The following NOTCH4 variants were observed in gnomAD, a reference collection of about 807,000 sequenced individuals.
The protein encoded by NOTCH4 is neurogenic locus notch homolog protein 4.
Under a neutral mutation model 189.0 loss-of-function variants are expected in NOTCH4, and 138 were observed. The ratio of observed to expected loss-of-function variants is 0.73; its 90% CI spans 0.64 to 0.84. NOTCH4 has a LOEUF of 0.84. Among genes scored for constraint, NOTCH4 ranks in the 40% least tolerant of loss-of-function variants. NOTCH4 has a pLI of 0.00. For synonymous variants in NOTCH4, 942 were observed against 1,032.8 expected (o/e 0.91, Z 1.69); for missense variants, 2,286 against 2,605.4 (o/e 0.88, Z 2.67).
chr6:32,195,810 C>G lies in NOTCH4; in HGVS notation c.5639G>C (p.Arg1880Pro), dbSNP rs1191585262. The G allele has an allele frequency of 6.2e-7, 1 of 1,602,064 alleles. No individual in the cohort carries two copies. Among genetic ancestry groups the G allele is most frequent in the Non-Finnish European group, 8.5e-7 (1 of 1,179,186 alleles). The part of the protein sequence containing the change: ...PRGGGACLQA[R>P]TWSVDLAARG... Reference sequence around the variant, plus strand: ...CGCAGCCAAGTCTACGGACCAAGTCCGAGCCTGCAGACAAGCTCCGCCCCC... The same window carrying G: ...CGCAGCCAAGTCTACGGACCAAGTCGGAGCCTGCAGACAAGCTCCGCCCCC... The change falls in exon 30 of 30, where the codon CGG becomes CCG. Residue 1880 changes from arginine (R) to proline (P), a missense_variant. Physicochemically the swap from Arg to Pro is moderately radical, Grantham distance 103 (BLOSUM62 -2). Around this residue, in one of 2 missense-constraint regions of NOTCH4, gnomAD observed 383 missense variants for 343.5 expected, o/e 1.11. Coordinates refer to ENST00000375023, the MANE Select transcript of NOTCH4 (RefSeq NM_004557.4). The surrounding 1 kb of genome is among the most constrained non-coding windows in gnomAD (Gnocchi z 5.4).
intron 5 of NOTCH4, 47 bp downstream of exon 5, chr6:32,220,709 C>T (rs769246330): frequency 4.3e-6 from 7 of 1,612,786 alleles, no homozygotes; most frequent in Non-Finnish European, 5.1e-6. Flanking sequence ...GGCCAGGGGC[C>T]AACTCTCTGG....
chr6:32,197,428 A>C lies in NOTCH4; in HGVS notation c.4923T>G (p.Ala1641=). 1 of 1,548,558 alleles carries C rather than the reference A, an allele frequency of 6.5e-7. No homozygotes were observed. Among genetic ancestry groups the C allele is most frequent in the Non-Finnish European group, 8.7e-7 (1 of 1,148,014 alleles). Residue 1641 remains alanine (A), a synonymous_variant, in exon 27 of 30, where the codon GCT becomes GCG. Transcript: ENST00000375023. ...CAGCGGTTGGCCGGGAGAATCGGGC[A>C]GCCAGGTGCAGGGGGGTCTCCCCAG... ...VGTGETPLHL[A]ARFSRPTAAR...
At position 32,201,005 on chromosome 6, in the gene NOTCH4, A is replaced by G; in HGVS notation, c.4141T>C (p.Phe1381Leu). 1.3e-6 allele frequency: 2 copies of G among 1,562,352 alleles called. No individual in the cohort carries two copies. Among genetic ancestry groups the G allele is most frequent in the Non-Finnish European group, 8.7e-7 (1 of 1,154,378 alleles). ...GKETDSLSAG[F>L]VVVMGVDLSR... ...AAATCCACACCCATGACCACCACAA[A>G]CCTGTAGAGGAGGCACCTCAGAGAC... The change falls in exon 23 of 30, where the codon TTT becomes CTT. Residue 1381 changes from phenylalanine (F) to leucine (L), a missense_variant and splice_region_variant. Phe to Leu is a conservative substitution (Grantham distance 22, BLOSUM62 0). Transcript: ENST00000375023. This position sits in a 1 kb window ranked among gnomAD's most constrained non-coding sequence, Gnocchi z 5.5.
Position 32,220,967 on chromosome 6 carries a change from T to C in NOTCH4, c.799+11A>G. On this transcript the variant is annotated intron_variant, in intron 4 of 29. Transcript: ENST00000375023. ...GAGAGGGGCGGCCGGAGAGCCCCTG[T>C]GAGGACACACCTGGGGGACAGAGGC... 1 of 1,596,252 alleles carries C rather than the reference T, an allele frequency of 6.3e-7. No homozygotes were observed.
rs1227775066 is a variant in NOTCH4 at position 32,221,193 on chromosome 6, A to G, written c.584T>C (p.Val195Ala). 1 of 1,613,100 alleles carries G rather than the reference A, an allele frequency of 6.2e-7. No individual in the cohort carries two copies. Among genetic ancestry groups the G allele is most frequent in the Non-Finnish European group, 8.5e-7 (1 of 1,180,022 alleles). Reference sequence around the variant, plus strand: ...TCCTGGGTCCTGGAAGCACTCGTTGACATCACGTTCACAGGCATGGCCCTC... The same window carrying G: ...TCCTGGGTCCTGGAAGCACTCGTTGGCATCACGTTCACAGGCATGGCCCTC... The part of the protein sequence containing the change: ...GFEGHACERD[V>A]NECFQDPGPC... Residue 195 changes from valine to alanine, a missense_variant, in exon 4 of 30, where the codon GTC becomes GCC. By Grantham distance (64) the Val-to-Ala change is moderately conservative. Coordinates refer to ENST00000375023, the MANE Select transcript of NOTCH4 (RefSeq NM_004557.4). This position sits in a 1 kb window ranked among gnomAD's most constrained non-coding sequence, Gnocchi z 4.3.
At position 32,224,006 on chromosome 6, in the gene NOTCH4, C is replaced by T. The variant is rs1222735952; in HGVS notation, c.-78G>A. ...CTCAGAGCTCTCACTGGGGCAGGAG[C>T]CACCTCCTCTGCTCCCACTGCCCCT... On this transcript the variant is annotated 5_prime_UTR_variant, in exon 1 of 30. Coordinates refer to ENST00000375023, the MANE Select transcript of NOTCH4 (RefSeq NM_004557.4). 2 of 1,413,870 alleles carry T rather than the reference C, an allele frequency of 1.4e-6. No homozygotes were observed. Among genetic ancestry groups the T allele is most frequent in the African/African-American group, 2.9e-5 (2 of 69,540 alleles). 87.6% of individuals were successfully genotyped at this position (1,413,870 alleles called of 1,614,324 possible).
In NOTCH4 at chr6:32,203,821, G is replaced by A; in HGVS notation, c.3180C>T (p.Thr1060=). 2 of 1,562,560 alleles carry A rather than the reference G, an allele frequency of 1.3e-6. No individual in the cohort carries two copies. Among genetic ancestry groups the A allele is most frequent in the Admixed American group, 3.8e-5 (2 of 52,292 alleles). The change falls in exon 20 of 30, where the codon ACC becomes ACT. Residue 1060 remains threonine, a synonymous_variant. Transcript: ENST00000375023. The part of the protein sequence containing the change: ...CHSQPCFHGG[T]CEATAGSPLG... Reference sequence around the variant, plus strand: ...GGGGTGATCCTGCTGTGGCCTCACAGGTCCCTCCATGAAAGCAGGGTTGGC... The same window carrying A: ...GGGGTGATCCTGCTGTGGCCTCACAAGTCCCTCCATGAAAGCAGGGTTGGC...
chr6:32,201,143 G>T lies in NOTCH4; in HGVS notation c.4113C>A (p.Gly1371=), dbSNP rs1485080358. 5 of 1,612,060 alleles carry T rather than the reference G, an allele frequency of 3.1e-6. No individual in the cohort carries two copies. Among genetic ancestry groups the T allele is most frequent in the Admixed American group, 1.7e-5 (1 of 59,942 alleles). ...ERAAPQTQPL[G]KETDSLSAGF... The stretch of plus-strand genomic sequence containing the variant: ...CAGCACTGAGGGAGTCGGTCTCCTT[G>T]CCCAGGGGCTGCGTTTGAGGGGCTG... The change falls in exon 22 of 30, where the codon GGC becomes GGA. Residue 1371 remains glycine, a synonymous_variant. Coordinates refer to ENST00000375023, the MANE Select transcript of NOTCH4 (RefSeq NM_004557.4). The surrounding 1 kb of genome is among the most constrained non-coding windows in gnomAD (Gnocchi z 5.5).
intron 7 of NOTCH4, 39 bp downstream of exon 7, chr6:32,220,090 C>G: frequency 6.2e-7 from 1 of 1,603,600 alleles, no homozygotes; most frequent in Non-Finnish European, 8.5e-7. Context: ...AGAGGCCTGT[C>G]TGAGGCTCAG....
rs773837630 is a variant in NOTCH4 at position 32,220,577 on chromosome 6, C to G, written c.987G>C (p.Gly329=). The stretch of plus-strand genomic sequence containing the variant: ...TACCAGCAGAGTTCTGGCAGGTGCC[C>G]CCGTTTCTGCAGTGAGGGGGACCCT... ...ETQGPPHCRN[G]GTCQNSAGSF... Residue 329 remains glycine, a synonymous_variant, in exon 6 of 30, where the codon GGG becomes GGC. Coordinates refer to ENST00000375023, the MANE Select transcript of NOTCH4 (RefSeq NM_004557.4). 6.2e-7 allele frequency: 1 copy of G among 1,613,996 alleles called. No individual in the cohort carries two copies. The highest frequency in any genetic ancestry group is 8.5e-7 in the Non-Finnish European group (1 of 1,180,010).
Position 32,200,352 on chromosome 6 carries a change from A to C in NOTCH4, c.4315+479T>G, listed in dbSNP as rs557844426. Among the ~76,000 whole-genome samples, 2 of 151,996 alleles carry C rather than the reference A, an allele frequency of 1.3e-5. No homozygotes were observed. Among genetic ancestry groups the C allele is most frequent in the Admixed American group, 6.6e-5 (1 of 15,264 alleles). On this transcript the variant is annotated intron_variant, in intron 23 of 29. Transcript: ENST00000375023. This position sits in a 1 kb window ranked among gnomAD's most constrained non-coding sequence, Gnocchi z 5.0. ...CAGCCTCCTGAGTAGCTGAGACTAC[A>C]AGCACCCGCCACCACAGCCGGCTAA...
rs1787991614 is a variant in NOTCH4, at chr6:32,197,085, A to AG, written c.5053-14dup. The AG allele has an allele frequency of 6.2e-7, 1 of 1,611,574 alleles. No homozygotes were observed. The highest frequency in any genetic ancestry group is 1.7e-5 in the Admixed American group (1 of 59,988). ...TACGGAGCAGAAGCTGGGGAGACAGAGGGCCAGTGACCCCTGGGGTACCTT... is the reference window on the plus strand; with the variant it reads ...TACGGAGCAGAAGCTGGGGAGACAGAGGGGCCAGTGACCCCTGGGGTACCTT... On this transcript the variant is annotated splice_polypyrimidine_tract_variant and intron_variant, in intron 27 of 29. Transcript: ENST00000375023.
chr6:32,219,491 G>A (rs1789614216), intron 8 of NOTCH4, 101 bp downstream of exon 8: 5 of 1,087,274 alleles, frequency 4.6e-6, no homozygotes, highest in Non-Finnish European at 6.6e-6. Flanking sequence ...GGTAACTTAC[G>A]CCAATTGGCC....
Position 32,212,416 on chromosome 6 carries a change from A to G in NOTCH4, c.2680+58T>C. 3 of 1,506,972 alleles carry G rather than the reference A, an allele frequency of 2.0e-6. No homozygotes were observed. The highest frequency in any genetic ancestry group is 2.7e-6 in the Non-Finnish European group (3 of 1,115,388). The allele number at this position is 1,506,972 out of a possible 1,614,324, so 93.4% of individuals were successfully genotyped here. A position where few individuals can be genotyped will look rare whatever the true frequency, so the allele number is the denominator to read the frequency against. ...GTGTGGAAGCCCACAGGAACGGGGC[A>G]GGTGAGAACACCCATATTTTCTTCA... On this transcript the variant is annotated intron_variant, in intron 17 of 29. Transcript: ENST00000375023. This position sits in a 1 kb window ranked among gnomAD's most constrained non-coding sequence, Gnocchi z 4.4.
rs780920781 is a variant in NOTCH4, at chr6:32,201,130, A to T, written c.4126T>A (p.Ser1376Thr). 2 of 1,610,584 alleles carry T rather than the reference A, an allele frequency of 1.2e-6. No individual in the cohort carries two copies. Reference sequence around the variant, plus strand: ...CTAGCTTCTTACCCAGCACTGAGGGAGTCGGTCTCCTTGCCCAGGGGCTGC... The same window carrying T: ...CTAGCTTCTTACCCAGCACTGAGGGTGTCGGTCTCCTTGCCCAGGGGCTGC... ...QTQPLGKETDSLSAGFVVVMG... is the reference protein window; with the variant it reads ...QTQPLGKETDTLSAGFVVVMG... The change falls in exon 22 of 30, where the codon TCC (serine) becomes ACC (threonine). Residue 1376 changes from serine (S) to threonine (T), a missense_variant. Physicochemically the swap from Ser to Thr is moderately conservative, Grantham distance 58. Coordinates refer to ENST00000375023, the MANE Select transcript of NOTCH4 (RefSeq NM_004557.4). The surrounding 1 kb of genome is among the most constrained non-coding windows in gnomAD (Gnocchi z 5.5).
chr6:32,213,899 T>C, intron 13 of NOTCH4, 59 bp from the exon 14 acceptor site: 3 of 1,579,834 alleles, frequency 1.9e-6, no homozygotes, highest in Non-Finnish European at 2.6e-6. Context: ...TCCGCTCTCC[T>C]TCTCTTTCCT....
At chr6:32,205,345 C>T (rs1202027356) in intron 18 of NOTCH4, among the ~76,000 whole-genome samples, 2 of 151,188 alleles carry the variant, frequency 1.3e-5, no homozygotes, top group Non-Finnish European at 3.0e-5. Context: ...GTCAGGAGTT[C>T]GAGACCAGCC....
rs1010355694 is a variant in NOTCH4, at chr6:32,210,597, T to C, written c.2865+155A>G. Among the ~76,000 whole-genome samples the C allele has an allele frequency of 2.0e-5, 3 of 152,130 alleles. No individual in the cohort carries two copies. In the East Asian group the frequency reaches 5.8e-4, roughly 29 times the overall value. ...ACAGACTTGAGAAAACTTCAGGAGA[T>C]AAAGTGGCATGACTTTGTGGTTAGT... On this transcript the variant is annotated intron_variant, in intron 18 of 29. Transcript: ENST00000375023. The surrounding 1 kb of genome is among the most constrained non-coding windows in gnomAD (Gnocchi z 4.8).
At position 32,213,776 on chromosome 6, in the gene NOTCH4, G is replaced by A. The variant is rs2127478931; in HGVS notation, c.2232C>T (p.Cys744=). The A allele has an allele frequency of 6.2e-7, 1 of 1,612,262 alleles. No individual in the cohort carries two copies. Among genetic ancestry groups the A allele is most frequent in the South Asian group, 1.1e-5 (1 of 91,044 alleles). Residue 744 remains cysteine (C), a synonymous_variant, in exon 14 of 30, where the codon TGC becomes TGT. Coordinates refer to ENST00000375023, the MANE Select transcript of NOTCH4 (RefSeq NM_004557.4). ...HSGPCLNGGS[C]NPSPGGYYCT... is the part of the protein sequence containing the mutation. ...AGTAGTAGCCTCCAGGGCTAGGGTT[G>A]CAGGAGCCGCCATTGAGACATGGCC... is the stretch of plus-strand genomic sequence containing the variant.
Sources: allele counts gnomAD v4.1 joint callset (sites outside exome capture counted in the v4.1 genomes callset), GRCh38; gene constraint gnomAD v4.1.1; regional missense constraint gnomAD v4.1.1; non-coding constraint Gnocchi (gnomAD v3.1); transcripts MANE v1.5; gene names NCBI Gene and HGNC (gene_info 2026-07-23, HGNC 2026-07-21).